The following PSEN2 variants were observed in gnomAD, a reference collection of about 807,000 sequenced individuals.
The protein encoded by PSEN2 is presenilin-2.
A neutral mutation model predicts 49.1 loss-of-function variants in PSEN2; 32 were observed. The observed-to-expected ratio is 0.65, with a 90% CI of 0.49 to 0.88. The LOEUF is 0.88. Ranked by LOEUF, PSEN2 falls within the 40% of genes least tolerant of loss-of-function variation. The probability of loss-of-function intolerance (pLI) is 0.00; values close to 1 mark genes in which losing one functional copy is unlikely to be tolerated. For synonymous variants in PSEN2, 255 were observed against 244.0 expected, an observed-to-expected ratio of 1.05 and a Z score of -0.42; for missense variants, 522 against 586.9, an observed-to-expected ratio of 0.89 and a Z score of 1.14.
chr1:226,894,174 G>C, intron 12 of PSEN2, 49 bp downstream of exon 12: 1 of 1,400,822 alleles, frequency 7.1e-7, no homozygotes, highest in Middle Eastern at 1.9e-4. Context: ...GGGCCCCCAG[G>C]GTCCTCATTG....
Position 226,887,125 on chromosome 1 carries a change from G to A in PSEN2, c.499-966G>A, listed in dbSNP as rs181176083. On this transcript the variant is annotated intron_variant, in intron 6 of 12. Transcript: ENST00000366783. ...AGATGTGAAGAGCTGGCCCCACTGC[G>A]GGCAGTAGGTGTCTGGTGGCCAGTC... Among the ~76,000 whole-genome samples, 180 of 152,226 alleles carry A rather than the reference G, an allele frequency of 1.2e-3. 1 individual carries two copies. The highest frequency in any genetic ancestry group is 4.7e-4 in the Non-Finnish European group (32 of 68,020).
At chr1:226,876,135 C>A (rs1290951456) in intron 3 of PSEN2, among the ~76,000 whole-genome samples, 1 of 152,024 alleles carries the variant, frequency 6.6e-6, no homozygotes, top group Non-Finnish European at 1.5e-5. Context: ...GAGAGTTCAT[C>A]GCGTCACCGG....
chr1:226,876,593 G>T (rs1246308457), intron 3 of PSEN2, among the ~76,000 whole-genome samples: 1 of 152,174 alleles, frequency 6.6e-6, no homozygotes, highest in East Asian at 1.9e-4. Flanking sequence ...GTTCTACCAT[G>T]CAAAGATAAT....
In PSEN2 at chr1:226,891,352, C is replaced by T. The variant is rs753390653; in HGVS notation, c.961C>T (p.Pro321Ser). 6 of 1,612,530 alleles carry T rather than the reference C, an allele frequency of 3.7e-6. No individual in the cohort carries two copies. Among genetic ancestry groups the T allele is most frequent in the African/African-American group, 2.7e-5 (2 of 74,924 alleles). Reference protein sequence around the residue: ...SQGALQLPYDPEMEEDSYDSF... With the variant: ...SQGALQLPYDSEMEEDSYDSF... ...GGGTGCCCTCCAGCTCCCCTACGACCCGGAGATGGGTGAGTATCTTGGGGA... is the reference window on the plus strand; with the variant it reads ...GGGTGCCCTCCAGCTCCCCTACGACTCGGAGATGGGTGAGTATCTTGGGGA... Residue 321 changes from proline to serine, a missense_variant, in exon 10 of 13, where the codon CCG (proline) becomes TCG (serine). Physicochemically the swap from Pro to Ser is moderately conservative, Grantham distance 74. Transcript: ENST00000366783.
downstream of PSEN2, among the ~76,000 whole-genome samples, chr1:226,900,726 A>G (rs2102704236): frequency 6.6e-6 from 1 of 152,320 alleles, no homozygotes; most frequent in South Asian, 2.1e-4. Context: ...GATACTTGTC[A>G]GTACATGTGA....
intron 7 of PSEN2, among the ~76,000 whole-genome samples, chr1:226,888,373 T>G (rs1661513375): frequency 6.6e-6 from 1 of 152,142 alleles, no homozygotes; most frequent in Non-Finnish European, 1.5e-5. Flanking sequence ...CATGTTTCTG[T>G]CTCGTTCCTG....
chr1:226,884,844 C>A (rs572516237), intron 5 of PSEN2, among the ~76,000 whole-genome samples: 1 of 152,092 alleles, frequency 6.6e-6, no homozygotes, highest in Non-Finnish European at 1.5e-5. Flanking sequence ...GCCCAGAAGT[C>A]GAGGCTGCAG....
chr1:226,884,169 TG>T (rs1299360066), intron 5 of PSEN2, among the ~76,000 whole-genome samples: 5 of 152,218 alleles, frequency 3.3e-5, no homozygotes, highest in Middle Eastern at 3.2e-3. Context: ...ACGCAGTTAC[TG>T]GGAGAATTAA....
Position 226,895,831 on chromosome 1 carries a change from GAGA to G in PSEN2, c.*255_*257del. On this transcript the variant is annotated 3_prime_UTR_variant, in exon 13 of 13. Transcript: ENST00000366783. ...CACAGCAGGTTTATCCAGATGAACT[GAGA>G]AGGTCAGATTAGGGCGGGGAGAAGA... 1.8e-6 allele frequency: 1 copy of G among 558,852 alleles called. No individual in the cohort carries two copies. The highest frequency in any genetic ancestry group is 3.2e-6 in the Non-Finnish European group (1 of 312,140). 34.6% of individuals were successfully genotyped at this position (558,852 alleles called of 1,614,324 possible). A position where few individuals can be genotyped will look rare whatever the true frequency, so the allele number is the denominator to read the frequency against.
rs190645105 is a variant in PSEN2 at position 226,881,672 on chromosome 1, C to A, written c.-20-216C>A. Among the ~76,000 whole-genome samples the A allele has an allele frequency of 6.6e-4, 101 of 152,324 alleles. 1 individual carries two copies. Among genetic ancestry groups the A allele is most frequent in the South Asian group, 6.2e-4 (3 of 4,830 alleles). On this transcript the variant is annotated intron_variant, in intron 3 of 12. Transcript: ENST00000366783. ...GTTTTGCCCCCTGGGATGTGAGTCA[C>A]CTCAGGCCAGCCCCAGGCAAGGCCG...
chr1:226,879,159 G>A (rs1168409529), intron 3 of PSEN2, among the ~76,000 whole-genome samples: 9 of 152,208 alleles, frequency 5.9e-5, no homozygotes, highest in African/African-American at 9.6e-5. Flanking sequence ...GGCGTGAGCC[G>A]AGCCACCATA....
chr1:226,896,687 CTT>C (rs1461445903), downstream of PSEN2, among the ~76,000 whole-genome samples: 1 of 151,884 alleles, frequency 6.6e-6, no homozygotes, highest in African/African-American at 2.4e-5. Flanking sequence ...CATAGTGAGA[CTT>C]TGTACAAAAA....
intron 4 of PSEN2, 102 bp from the exon 5 acceptor site, chr1:226,883,603 C>T (rs1558144743): frequency 8.9e-7 from 1 of 1,123,388 alleles, no homozygotes; most frequent in Non-Finnish European, 1.3e-6. Context: ...ATCTGGAAAG[C>T]AACATTCAAA....
intron 3 of PSEN2, among the ~76,000 whole-genome samples, chr1:226,876,730 T>C (rs1660651150): frequency 6.6e-6 from 1 of 152,226 alleles, no homozygotes; most frequent in Non-Finnish European, 1.5e-5. Context: ...TTCAGGTTAT[T>C]AAATGTTTGA....
intron 3 of PSEN2, among the ~76,000 whole-genome samples, chr1:226,878,344 G>A (rs1218331613): frequency 3.3e-5 from 5 of 152,112 alleles, no homozygotes; most frequent in South Asian, 4.1e-4. Flanking sequence ...ACAGGCATGA[G>A]CACCGCACCC....
chr1:226,886,526 G>A (rs1661375054), intron 6 of PSEN2, among the ~76,000 whole-genome samples: 1 of 152,236 alleles, frequency 6.6e-6, no homozygotes, highest in Non-Finnish European at 1.5e-5. Flanking sequence ...GCGGCTTCAG[G>A]CTTTTCTCCC....
At chr1:226,880,693 C>A (rs770677085) in intron 3 of PSEN2, 48 of 1,612,760 alleles carry the variant, frequency 3.0e-5, no homozygotes, top group Middle Eastern at 3.3e-4. Flanking sequence ...TGAAGTTCTT[C>A]CCAGCCCAGA....
chr1:226,888,798 C>G (rs200739890), intron 7 of PSEN2, 31 bp from the exon 8 acceptor site: 6 of 1,588,508 alleles, frequency 3.8e-6, no homozygotes, highest in Non-Finnish European at 5.2e-6. Context: ...TCCACTGAGT[C>G]CCAGTCACAG....
rs773522773 is a variant in PSEN2, at chr1:226,883,785, C to G, written c.222C>G (p.Gly74=). The G allele has an allele frequency of 6.8e-6, 11 of 1,614,036 alleles. No individual in the cohort carries two copies. The highest frequency in any genetic ancestry group is 5.1e-6 in the Non-Finnish European group (6 of 1,180,042). The part of the protein sequence containing the change: ...VCSGVPGRPP[G]LEEELTLKYG... ...GTGGGGTTCCCGGGCGGCCGCCAGG[C>G]CTGGAGGAAGAGCTGACCCTCAAAT... Residue 74 remains glycine (G), a synonymous_variant, in exon 5 of 13, where the codon GGC becomes GGG. Transcript: ENST00000366783.
Sources: allele counts gnomAD v4.1 joint callset (sites outside exome capture counted in the v4.1 genomes callset), GRCh38; gene constraint gnomAD v4.1.1; transcripts MANE v1.5; gene names NCBI Gene and HGNC (gene_info 2026-07-23, HGNC 2026-07-21).